Variants in DRC11 observed in about 807,000 individuals in gnomAD.
The protein encoded by DRC11 is dynein regulatory complex subunit 11, also known as IQ and AAA domain-containing protein 1.
chr2:236,442,710 T>A, the DRC11 span, among the ~76,000 whole-genome samples: 1 of 152,228 alleles, frequency 6.6e-6, no homozygotes, highest in Admixed American at 6.5e-5. Context: ...GAAAAGCACA[T>A]TAATTAATAA....
the DRC11 span, among the ~76,000 whole-genome samples, chr2:236,423,734 A>T: frequency 6.6e-6 from 1 of 152,184 alleles, no homozygotes; most frequent in Non-Finnish European, 1.5e-5. Context: ...TCATGCTGCT[A>T]TAAAGACACA....
the DRC11 span, among the ~76,000 whole-genome samples, chr2:236,486,217 C>G: frequency 2.0e-5 from 3 of 152,200 alleles, no homozygotes; most frequent in Non-Finnish European, 4.4e-5. The surrounding 1 kb of genome is among the most constrained non-coding windows in gnomAD (Gnocchi z 5.7). Context: ...TGCCAGCAAC[C>G]ACACAAGCTT....
the DRC11 span, chr2:236,331,702 A>G: frequency 1.3e-6 from 1 of 792,066 alleles, no homozygotes. This position sits in a 1 kb window ranked among gnomAD's most constrained non-coding sequence, Gnocchi z 4.8. Flanking sequence ...AGGAATACAC[A>G]GAAGTCTACT....
At chr2:236,497,879 T>C in the DRC11 span, among the ~76,000 whole-genome samples, 1 of 152,210 alleles carries the variant, frequency 6.6e-6, no homozygotes, top group Non-Finnish European at 1.5e-5. The surrounding 1 kb of genome is among the most constrained non-coding windows in gnomAD (Gnocchi z 5.1). Context: ...GAAAGTAATG[T>C]AGCATTTTCT....
the DRC11 span, among the ~76,000 whole-genome samples, chr2:236,357,844 TAA>T: frequency 1.1e-5 from 1 of 91,358 alleles, no homozygotes; most frequent in Non-Finnish European, 2.4e-5. Flanking sequence ...TATAAATATG[TAA>T]TATATAAATA....
chr2:236,315,239 ATGGTGC>A, the DRC11 span, among the ~76,000 whole-genome samples: 1 of 152,234 alleles, frequency 6.6e-6, no homozygotes. This position sits in a 1 kb window ranked among gnomAD's most constrained non-coding sequence, Gnocchi z 5.1. Flanking sequence ...TTTTCAAGAA[ATGGTGC>A]TGGAGCTTTG....
At chr2:236,400,786 C>A in the DRC11 span, among the ~76,000 whole-genome samples, 11 of 152,102 alleles carry the variant, frequency 7.2e-5, no homozygotes, top group Non-Finnish European at 2.9e-5. The surrounding 1 kb of genome is among the most constrained non-coding windows in gnomAD (Gnocchi z 7.9). Flanking sequence ...GGCCTGAACA[C>A]GGTGCCCCCA....
the DRC11 span, among the ~76,000 whole-genome samples, chr2:236,340,216 C>A: frequency 6.6e-6 from 1 of 152,182 alleles, no homozygotes; most frequent in Non-Finnish European, 1.5e-5. Flanking sequence ...TTGCAATCAC[C>A]ACCTCCTGGG....
chr2:236,333,978 G>A, the DRC11 span, among the ~76,000 whole-genome samples: 3 of 152,128 alleles, frequency 2.0e-5, no homozygotes, highest in Admixed American at 6.5e-5. This position sits in a 1 kb window ranked among gnomAD's most constrained non-coding sequence, Gnocchi z 6.0. Flanking sequence ...TTAAAGTGTA[G>A]GATACTTGGT....
the DRC11 span, among the ~76,000 whole-genome samples, chr2:236,420,528 C>T: frequency 2.6e-5 from 4 of 152,094 alleles, no homozygotes; most frequent in Non-Finnish European, 4.4e-5. The surrounding 1 kb of genome is among the most constrained non-coding windows in gnomAD (Gnocchi z 4.8). Context: ...GGGCTAATAT[C>T]GTTTTATCCT....
At chr2:236,317,936 T>C in the DRC11 span, among the ~76,000 whole-genome samples, 3 of 152,190 alleles carry the variant, frequency 2.0e-5, no homozygotes, top group African/African-American at 7.2e-5. The surrounding 1 kb of genome is among the most constrained non-coding windows in gnomAD (Gnocchi z 5.4). Flanking sequence ...TGGGGTCCCG[T>C]GGGAGGGTCC....
chr2:236,431,504 C>T, the DRC11 span, among the ~76,000 whole-genome samples: 5 of 152,324 alleles, frequency 3.3e-5, no homozygotes, highest in East Asian at 9.7e-4. This position sits in a 1 kb window ranked among gnomAD's most constrained non-coding sequence, Gnocchi z 4.2. Context: ...TACCTCCTAA[C>T]AGGTCCATCC....
the DRC11 span, among the ~76,000 whole-genome samples, chr2:236,399,861 G>A: frequency 6.6e-6 from 1 of 152,116 alleles, no homozygotes; most frequent in South Asian, 2.1e-4. The surrounding 1 kb of genome is among the most constrained non-coding windows in gnomAD (Gnocchi z 7.0). Flanking sequence ...GACTGCAGGT[G>A]TGCACCACCA....
chr2:236,310,365 G>A, the DRC11 span, among the ~76,000 whole-genome samples: 1 of 152,174 alleles, frequency 6.6e-6, no homozygotes, highest in African/African-American at 2.4e-5. This position sits in a 1 kb window ranked among gnomAD's most constrained non-coding sequence, Gnocchi z 5.5. Flanking sequence ...AACTGGACAC[G>A]GCACTACTGT....
At chr2:236,457,673 TAA>T in the DRC11 span, among the ~76,000 whole-genome samples, 1 of 152,180 alleles carries the variant, frequency 6.6e-6, no homozygotes, top group African/African-American at 2.4e-5. The surrounding 1 kb of genome is among the most constrained non-coding windows in gnomAD (Gnocchi z 4.7). Context: ...AAGTGTCCTA[TAA>T]GAGAGAGGTA....
At chr2:236,501,216 C>CT in the DRC11 span, among the ~76,000 whole-genome samples, 1 of 152,114 alleles carries the variant, frequency 6.6e-6, no homozygotes, top group South Asian at 2.1e-4. Context: ...TGATAACTCA[C>CT]TATCAAGAGA....
the DRC11 span, among the ~76,000 whole-genome samples, chr2:236,504,360 TG>T: frequency 6.6e-6 from 1 of 152,216 alleles, no homozygotes; most frequent in Non-Finnish European, 1.5e-5. The surrounding 1 kb of genome is among the most constrained non-coding windows in gnomAD (Gnocchi z 5.0). Context: ...CATTGACACT[TG>T]GGTTGTTTCC....
chr2:236,327,607 T>G, the DRC11 span, among the ~76,000 whole-genome samples: 7 of 152,350 alleles, frequency 4.6e-5, no homozygotes, highest in Admixed American at 3.9e-4. Flanking sequence ...CTAGGCAATT[T>G]TCTTTGCTCC....
the DRC11 span, among the ~76,000 whole-genome samples, chr2:236,462,599 C>T: frequency 1.8e-4 from 28 of 151,964 alleles, no homozygotes; most frequent in African/African-American, 5.8e-4. The surrounding 1 kb of genome is among the most constrained non-coding windows in gnomAD (Gnocchi z 6.4). Context: ...TAAACTTGGG[C>T]GGCGGAGGTT....
Sources: gnomAD v4.1 joint callset for allele counts (sites outside exome capture counted in the v4.1 genomes callset) on GRCh38, gnomAD v4.1.1 for gene constraint, Gnocchi (gnomAD v3.1) non-coding constraint, MANE v1.5 for transcripts, NCBI Gene and HGNC (gene_info 2026-07-23, HGNC 2026-07-21) for gene names.